Variants in CIMIP2C observed in about 807,000 individuals in gnomAD.
CIMIP2C encodes UPF0573 protein C2orf70.
the CIMIP2C span, chr2:26,577,758 A>C: frequency 1.5e-6 from 1 of 677,944 alleles, no homozygotes. Flanking sequence ...CGTGCAGTGC[A>C]GAGAGTGATG....
chr2:26,564,465 G>A, the CIMIP2C span, among the ~76,000 whole-genome samples: 2 of 152,152 alleles, frequency 1.3e-5, no homozygotes, highest in Non-Finnish European at 2.9e-5. Flanking sequence ...GGCAATAAGA[G>A]GATCATGAAT....
chr2:26,563,462 C>T, the CIMIP2C span, among the ~76,000 whole-genome samples: 1 of 152,082 alleles, frequency 6.6e-6, no homozygotes, highest in African/African-American at 2.4e-5. Flanking sequence ...TACTCTGGAC[C>T]GCCTCTCCCA....
chr2:26,576,219 C>G, the CIMIP2C span: 63 of 1,575,892 alleles, frequency 4.0e-5, no homozygotes, highest in Admixed American at 9.4e-4. Context: ...TCCTGCCCAC[C>G]TGCCCCCACC....
At chr2:26,573,491 C>A in the CIMIP2C span, among the ~76,000 whole-genome samples, 1 of 143,898 alleles carries the variant, frequency 6.9e-6, no homozygotes, top group Non-Finnish European at 1.5e-5. Context: ...GACAATGAGG[C>A]CTTGGGTGAA....
chr2:26,575,197 T>C, the CIMIP2C span, among the ~76,000 whole-genome samples: 1 of 152,208 alleles, frequency 6.6e-6, no homozygotes, highest in Non-Finnish European at 1.5e-5. Flanking sequence ...CTCCAGAACC[T>C]TAGTCAGCTC....
At chr2:26,573,011 T>C in the CIMIP2C span, among the ~76,000 whole-genome samples, 5 of 152,264 alleles carry the variant, frequency 3.3e-5, no homozygotes, top group African/African-American at 1.2e-4. Context: ...TGCTTACACG[T>C]CACAGGTTAG....
At chr2:26,579,196 G>T in the CIMIP2C span, 1 of 1,459,698 alleles carries the variant, frequency 6.9e-7, no homozygotes, top group Non-Finnish European at 9.4e-7. Flanking sequence ...CGGCAGGTCA[G>T]CTTGAGCTGG....
chr2:26,570,675 G>C, the CIMIP2C span, among the ~76,000 whole-genome samples: 2 of 152,228 alleles, frequency 1.3e-5, no homozygotes, highest in Non-Finnish European at 2.9e-5. Context: ...AGGCCCAGAG[G>C]CCTGAAGAGC....
At chr2:26,563,756 T>C in the CIMIP2C span, among the ~76,000 whole-genome samples, 50 of 152,370 alleles carry the variant, frequency 3.3e-4, 1 homozygote, top group Admixed American at 1.4e-3. Context: ...AAGTTGAGAT[T>C]GTTTTGAAGC....
At chr2:26,574,197 C>T in the CIMIP2C span, among the ~76,000 whole-genome samples, 3 of 152,070 alleles carry the variant, frequency 2.0e-5, no homozygotes, top group South Asian at 2.1e-4. Flanking sequence ...GAGCTGGGCC[C>T]GGGTCAGATC....
chr2:26,578,878 C>G, the CIMIP2C span: 1,868 of 472,160 alleles, frequency 4.0e-3, 32 homozygotes, highest in African/African-American at 0.034. Flanking sequence ...TGGGGCAAGC[C>G]CCTCCCTCCC....
At chr2:26,579,122 T>A in the CIMIP2C span, 3 of 664,362 alleles carry the variant, frequency 4.5e-6, no homozygotes, top group Non-Finnish European at 7.7e-6. Flanking sequence ...TGCCATTATG[T>A]AAATACAGGT....
chr2:26,574,746 G>A, the CIMIP2C span, among the ~76,000 whole-genome samples: 2 of 152,244 alleles, frequency 1.3e-5, no homozygotes, highest in Admixed American at 1.3e-4. Context: ...ACAGAAAGGA[G>A]CAAAGGTGTC....
the CIMIP2C span, chr2:26,572,252 A>T: frequency 8.4e-7 from 1 of 1,186,704 alleles, no homozygotes; most frequent in Non-Finnish European, 1.1e-6. Flanking sequence ...CCATTCTGTA[A>T]CTAGCATTCA....
At chr2:26,562,590 C>T in the CIMIP2C span, 1 of 1,558,188 alleles carries the variant, frequency 6.4e-7, no homozygotes, top group Admixed American at 1.9e-5. Flanking sequence ...GAGCGCCAGG[C>T]TCGCTGTACT....
chr2:26,579,136 T>C, the CIMIP2C span: 1 of 740,486 alleles, frequency 1.4e-6, no homozygotes, highest in Non-Finnish European at 2.2e-6. Context: ...TACAGGTTAT[T>C]CCCACCCCAA....
the CIMIP2C span, chr2:26,563,089 A>G: frequency 1.4e-5 from 3 of 213,298 alleles, no homozygotes; most frequent in Non-Finnish European, 2.8e-5. Context: ...GCACAGGGCC[A>G]GCACCCAGCA....
At chr2:26,571,383 TAGC>T in the CIMIP2C span, among the ~76,000 whole-genome samples, 1 of 152,148 alleles carries the variant, frequency 6.6e-6, no homozygotes, top group African/African-American at 2.4e-5. Flanking sequence ...TTGTGGTTGA[TAGC>T]ACTAGAACCT....
At chr2:26,571,452 C>T in the CIMIP2C span, among the ~76,000 whole-genome samples, 1 of 152,188 alleles carries the variant, frequency 6.6e-6, no homozygotes, top group Non-Finnish European at 1.5e-5. Flanking sequence ...CTCAGCATGG[C>T]GCCTGACACA....
Sources: allele counts gnomAD v4.1 joint callset (sites outside exome capture counted in the v4.1 genomes callset), GRCh38; gene constraint gnomAD v4.1.1; transcripts MANE v1.5; gene names NCBI Gene and HGNC (gene_info 2026-07-23, HGNC 2026-07-21).